Variants in RCOR1 observed in about 807,000 individuals in gnomAD.
The protein encoded by RCOR1 is REST corepressor 1, also known as REST corepressor.
Under a neutral mutation model 64.0 loss-of-function variants are expected in RCOR1, and 12 were observed. That is an observed-to-expected ratio of 0.19 (90% CI 0.12 to 0.30). The LOEUF (loss-of-function observed/expected upper bound fraction) is 0.30, where lower values mean the gene tolerates loss of function less well. Ranked by LOEUF, RCOR1 falls within the 10% of genes least tolerant of loss-of-function variation. RCOR1 has a pLI of 1.00. For missense variants in RCOR1, 502 were observed against 621.2 expected, an observed-to-expected ratio of 0.81 and a Z score of 2.04; for synonymous variants, 279 against 227.2, an observed-to-expected ratio of 1.23 and a Z score of -2.05.
intron 4 of RCOR1, among the ~76,000 whole-genome samples, chr14:102,705,389 A>C (rs1488157741): frequency 1.3e-5 from 2 of 152,156 alleles, no homozygotes; most frequent in Admixed American, 1.3e-4. Flanking sequence ...CTTTCTTTCT[A>C]GATCAGTGTA....
At chr14:102,632,376 C>T (rs1894132177) in intron 2 of RCOR1, among the ~76,000 whole-genome samples, 1 of 151,524 alleles carries the variant, frequency 6.6e-6, no homozygotes, top group Admixed American at 6.6e-5. Context: ...CACCACCACG[C>T]CCGGCTCATT....
intron 2 of RCOR1, among the ~76,000 whole-genome samples, chr14:102,612,044 C>T (rs576726294): frequency 1.3e-5 from 2 of 151,766 alleles, no homozygotes; most frequent in South Asian, 2.1e-4. Context: ...AGGGTTCAAG[C>T]GATCATCCCT....
At chr14:102,653,920 C>CTTCTTTCTTTCTTTCTTTCTTTCT (rs553960381) in intron 2 of RCOR1, among the ~76,000 whole-genome samples, 41 of 98,924 alleles carry the variant, frequency 4.1e-4, no homozygotes, top group Admixed American at 1.4e-3. Flanking sequence ...CAGGTATTTC[C>CTTCTTTCTTTCTTTCTTTCTTTCT]TTCTTTCTTT....
chr14:102,696,526 C>T lies in RCOR1; in HGVS notation c.446-4752C>T, dbSNP rs990160154. ...GGTGATGGGTGCAAATGCCTGGGCC[C>T]ATAGAAACGTGCTGGCATTTTCTTG... On this transcript the variant is annotated intron_variant, in intron 3 of 11. Transcript: ENST00000262241. 2.6e-5 allele frequency among the ~76,000 whole-genome samples: 4 copies of T among 152,196 alleles called. No individual in the cohort carries two copies. The East Asian group carries it at 7.7e-4, about 29-fold the overall frequency.
intron 2 of RCOR1, among the ~76,000 whole-genome samples, chr14:102,673,401 A>T (rs1895069664): frequency 6.8e-6 from 1 of 147,500 alleles, no homozygotes; most frequent in African/African-American, 2.5e-5. Context: ...CACTGGCAGG[A>T]TCTCGGCTCA....
At chr14:102,665,586 C>T (rs1373079679) in intron 2 of RCOR1, among the ~76,000 whole-genome samples, 1 of 152,126 alleles carries the variant, frequency 6.6e-6, no homozygotes, top group Non-Finnish European at 1.5e-5. Flanking sequence ...GCAAGGTAGG[C>T]ATTATCCTCT....
At chr14:102,630,357 G>C (rs377354832) in intron 2 of RCOR1, among the ~76,000 whole-genome samples, 1 of 152,326 alleles carries the variant, frequency 6.6e-6, no homozygotes, top group African/African-American at 2.4e-5. Context: ...CCAGCCGGCG[G>C]AATCATGAGC....
intron 2 of RCOR1, among the ~76,000 whole-genome samples, chr14:102,623,083 A>G (rs1893907403): frequency 6.6e-6 from 1 of 152,090 alleles, no homozygotes; most frequent in Non-Finnish European, 1.5e-5. Context: ...TTATGTCTGA[A>G]CAGGTTTTCA....
chr14:102,647,890 G>A (rs1894508875), intron 2 of RCOR1, among the ~76,000 whole-genome samples: 1 of 151,540 alleles, frequency 6.6e-6, no homozygotes, highest in Non-Finnish European at 1.5e-5. Context: ...TGTTGACCAG[G>A]CTGATCTCAA....
intron 2 of RCOR1, among the ~76,000 whole-genome samples, chr14:102,641,568 C>T (rs1000557105): frequency 6.6e-6 from 1 of 152,000 alleles, no homozygotes; most frequent in Non-Finnish European, 1.5e-5. Context: ...CCACTGCACT[C>T]CAGTCCCAAC....
intron 2 of RCOR1, among the ~76,000 whole-genome samples, chr14:102,606,578 T>G (rs1196896962): frequency 6.6e-6 from 1 of 152,104 alleles, no homozygotes; most frequent in African/African-American, 2.4e-5. Context: ...ATGTCTGATT[T>G]CTTTGAGGGT....
At position 102,698,675 on chromosome 14, in the gene RCOR1, G is replaced by C. The variant is rs531306763; in HGVS notation, c.446-2603G>C. Among the ~76,000 whole-genome samples, 3 of 152,238 alleles carry C rather than the reference G, an allele frequency of 2.0e-5. No individual in the cohort carries two copies. In the South Asian group the frequency reaches 6.2e-4, roughly 32 times the overall value. ...ATTCCTGAGTGCATCTCATGACCTG[G>C]TTTTTAATCAGCTGGCCTGCTGTCT... is the stretch of plus-strand genomic sequence containing the variant. On this transcript the variant is annotated intron_variant, in intron 3 of 11. Transcript: ENST00000262241.
At chr14:102,624,662 A>G (rs1893945592) in intron 2 of RCOR1, among the ~76,000 whole-genome samples, 1 of 151,924 alleles carries the variant, frequency 6.6e-6, no homozygotes, top group Non-Finnish European at 1.5e-5. Context: ...GCTACTTCGG[A>G]GACTGAGGTA....
At chr14:102,697,873 A>T (rs1895679148) in intron 3 of RCOR1, among the ~76,000 whole-genome samples, 1 of 152,038 alleles carries the variant, frequency 6.6e-6, no homozygotes, top group African/African-American at 2.4e-5. Flanking sequence ...GACACGCACC[A>T]CCGTGCCCAG....
intron 2 of RCOR1, among the ~76,000 whole-genome samples, chr14:102,623,389 T>TATTC (rs1491366258): frequency 2.3e-4 from 27 of 117,046 alleles, no homozygotes; most frequent in Admixed American, 1.7e-3. Flanking sequence ...ATTTATTTAT[T>TATTC]ATTTATTTAT....
At chr14:102,655,179 TG>T in intron 2 of RCOR1, 1 of 754,970 alleles carries the variant, frequency 1.3e-6, no homozygotes, top group Non-Finnish European at 1.6e-6. Flanking sequence ...TACAGGCATA[TG>T]GTACAAAATT....
intron 2 of RCOR1, among the ~76,000 whole-genome samples, chr14:102,614,105 G>A (rs1389558025): frequency 6.6e-6 from 1 of 151,660 alleles, no homozygotes; most frequent in East Asian, 2.0e-4. Flanking sequence ...ATGTTGGTCA[G>A]GCTGGTCTTG....
chr14:102,705,911 T>C lies in RCOR1; in HGVS notation c.499-1440T>C, dbSNP rs75237597. On this transcript the variant is annotated intron_variant, in intron 4 of 11. Coordinates refer to ENST00000262241, the MANE Select transcript of RCOR1 (RefSeq NM_015156.4). ...CAGGCAGATCACTTGAGCTCAGGAGTTGGAGACCAACCTGGGCAACATGGC... is the reference window on the plus strand; with the variant it reads ...CAGGCAGATCACTTGAGCTCAGGAGCTGGAGACCAACCTGGGCAACATGGC... 6.1e-3 allele frequency among the ~76,000 whole-genome samples: 917 copies of C among 149,820 alleles called. 9 individuals carry two copies. Among genetic ancestry groups the C allele is most frequent in the African/African-American group, 0.022 (884 of 40,822 alleles).
rs562400775 is a variant in RCOR1, at chr14:102,729,712, G to A, written c.*3206G>A. On this transcript the variant is annotated 3_prime_UTR_variant, in exon 12 of 12. Transcript: ENST00000262241. The stretch of plus-strand genomic sequence containing the variant: ...GCTCATTGTCACTTTAAATTTCAAC[G>A]ATACCCTATTTTTGTCATTCTAAAT... The A allele has an allele frequency of 1.3e-5, 5 of 397,230 alleles. No individual in the cohort carries two copies. The highest frequency in any genetic ancestry group is 6.2e-5 in the African/African-American group (3 of 48,668). The allele number at this position is 397,230 out of a possible 1,614,324, so 24.6% of individuals were successfully genotyped here.
Sources: gnomAD v4.1 joint callset for allele counts (sites outside exome capture counted in the v4.1 genomes callset) on GRCh38, gnomAD v4.1.1 for gene constraint, MANE v1.5 for transcripts, NCBI Gene and HGNC (gene_info 2026-07-23, HGNC 2026-07-21) for gene names.